The following TES variants were observed in gnomAD, a reference collection of about 807,000 sequenced individuals.
TES encodes testin.
TES carries 41 observed loss-of-function variants against 48.2 expected under a neutral mutation model. The ratio of observed to expected loss-of-function variants is 0.85; its 90% CI spans 0.66 to 1.10. TES has a LOEUF of 1.10. Among genes scored for constraint, TES ranks in the 50% least tolerant of loss-of-function variants. The pLI is 0.00. For missense variants in TES, 463 were observed against 515.1 expected (o/e 0.90, Z 0.98); for synonymous variants, 162 against 174.9 (o/e 0.93, Z 0.58).
At chr7:116,234,329 A>G (rs937668815) in intron 1 of TES, among the ~76,000 whole-genome samples, 1 of 152,154 alleles carries the variant, frequency 6.6e-6, no homozygotes, top group African/African-American at 2.4e-5. Context: ...TCTTTTCATG[A>G]TAAAAAGCAA....
At chr7:116,238,309 G>A (rs1211909369) in intron 2 of TES, 2 of 152,178 alleles carry the variant, frequency 1.3e-5, no homozygotes, top group African/African-American at 2.4e-5. Flanking sequence ...CCGGATCAAG[G>A]TGTATCACCA....
At chr7:116,224,070 C>G (rs755248931) in intron 1 of TES, among the ~76,000 whole-genome samples, 3 of 152,226 alleles carry the variant, frequency 2.0e-5, no homozygotes, top group African/African-American at 7.2e-5. Flanking sequence ...TTCTCTTGCT[C>G]TCTCTGGGAT....
intron 1 of TES, among the ~76,000 whole-genome samples, chr7:116,232,751 AC>A (rs1799717693): frequency 6.6e-6 from 1 of 152,226 alleles, no homozygotes. Context: ...TAGTGTTGAC[AC>A]TAAATATACA....
chr7:116,240,723 C>G lies in TES; in HGVS notation c.113+6104C>G, dbSNP rs3735622. Among the ~76,000 whole-genome samples the G allele has an allele frequency of 2.4e-3, 360 of 152,122 alleles. 7 individuals are homozygous for G. In the East Asian group the frequency reaches 0.064, roughly 27 times the overall value. ...TCCCCATAGAACTTTTCTTAACATC[C>G]TATGGAGAATCTGGAGAGAGAACTG... On this transcript the variant is annotated intron_variant, in intron 2 of 6. Transcript: ENST00000358204.
rs1563017314 is a variant in TES, at chr7:116,257,289, A to C, written c.1078-5A>C. The C allele has an allele frequency of 1.2e-6, 2 of 1,601,990 alleles. No individual in the cohort carries two copies. The highest frequency in any genetic ancestry group is 4.5e-5 in the East Asian group (2 of 44,350). On this transcript the variant is annotated splice_polypyrimidine_tract_variant and splice_region_variant and intron_variant, in intron 6 of 6. Coordinates refer to ENST00000358204, the MANE Select transcript of TES (RefSeq NM_015641.4). ...ACCCTCTTCTCTTGTATTATTTCTT[A>C]ATAGGTGTGTCAAGGATGCCACAAT...
At chr7:116,233,722 T>C (rs560238260) in intron 1 of TES, among the ~76,000 whole-genome samples, 45 of 152,344 alleles carry the variant, frequency 3.0e-4, no homozygotes, top group Middle Eastern at 6.8e-3. Context: ...GGGTAATTTA[T>C]AAATAATAGA....
intron 2 of TES, among the ~76,000 whole-genome samples, chr7:116,239,522 C>T (rs1486338927): frequency 1.3e-5 from 2 of 152,200 alleles, no homozygotes; most frequent in African/African-American, 4.8e-5. Flanking sequence ...TTATAGATGG[C>T]AGAGCTGAAT....
chr7:116,254,229 A>AT (rs1012070967), intron 6 of TES, among the ~76,000 whole-genome samples: 1 of 151,730 alleles, frequency 6.6e-6, no homozygotes, highest in African/African-American at 2.4e-5. Flanking sequence ...CAGGGCAGGG[A>AT]TTTTTTTATC....
At position 116,250,366 on chromosome 7, in the gene TES, A is replaced by T. The variant is rs770118920; in HGVS notation, c.572A>T (p.Asp191Val). The T allele has an allele frequency of 6.2e-7, 1 of 1,613,976 alleles. No individual in the cohort carries two copies. Among genetic ancestry groups the T allele is most frequent in the South Asian group, 1.1e-5 (1 of 91,020 alleles). ...KYKSEALGVG[D>V]VKLPCEMDAQ... ...AAGAGCGAAGCTCTGGGAGTAGGAGATGTCAAACTTCCCTGTGAGATGGAT... is the reference window on the plus strand; with the variant it reads ...AAGAGCGAAGCTCTGGGAGTAGGAGTTGTCAAACTTCCCTGTGAGATGGAT... The change falls in exon 4 of 7, where the codon GAT becomes GTT. Residue 191 changes from aspartate (D) to valine (V), a missense_variant. Asp to Val is a radical substitution (Grantham distance 152). Coordinates refer to ENST00000358204, the MANE Select transcript of TES (RefSeq NM_015641.4).
At chr7:116,214,051 G>A (rs1799467323) in intron 1 of TES, among the ~76,000 whole-genome samples, 1 of 152,096 alleles carries the variant, frequency 6.6e-6, no homozygotes, top group East Asian at 1.9e-4. Context: ...TGGAATTGCT[G>A]CAGGGCTTTT....
intron 1 of TES, among the ~76,000 whole-genome samples, 159 bp from the exon 2 acceptor site, chr7:116,234,375 C>T (rs963521331): frequency 2.6e-5 from 4 of 152,150 alleles, no homozygotes; most frequent in African/African-American, 9.7e-5. Flanking sequence ...GTACTTGGAA[C>T]TGCCATGTAC....
intron 6 of TES, among the ~76,000 whole-genome samples, chr7:116,255,869 C>T (rs1215243463): frequency 1.3e-5 from 2 of 152,090 alleles, no homozygotes; most frequent in Non-Finnish European, 2.9e-5. Context: ...ATAGTACACC[C>T]ATAAATATGT....
At chr7:116,231,081 A>G (rs922499644) in intron 1 of TES, among the ~76,000 whole-genome samples, 1 of 152,186 alleles carries the variant, frequency 6.6e-6, no homozygotes, top group Admixed American at 6.5e-5. Flanking sequence ...TTGACACGCT[A>G]GTCCTCTGCC....
intron 1 of TES, among the ~76,000 whole-genome samples, chr7:116,224,537 C>T (rs1799598401): frequency 6.6e-6 from 1 of 152,030 alleles, no homozygotes; most frequent in South Asian, 2.1e-4. Context: ...ATTTCTTGCT[C>T]ATTCTTTTAA....
chr7:116,252,535 T>C (rs761119871), intron 6 of TES, 59 bp downstream of exon 6: 4 of 1,612,326 alleles, frequency 2.5e-6, no homozygotes, highest in Admixed American at 3.3e-5. Flanking sequence ...GAGTTTATGC[T>C]TTTCTTAAAG....
intron 2 of TES, among the ~76,000 whole-genome samples, chr7:116,240,886 C>G (rs1177600889): frequency 6.6e-6 from 1 of 152,164 alleles, no homozygotes; most frequent in Non-Finnish European, 1.5e-5. Context: ...TATATATCAT[C>G]AGAAGTTACT....
intron 2 of TES, among the ~76,000 whole-genome samples, chr7:116,235,454 A>C (rs1482849903): frequency 1.3e-5 from 2 of 152,214 alleles, no homozygotes; most frequent in Admixed American, 6.5e-5. Context: ...TTTTTTAAGA[A>C]AAAAATTAAT....
chr7:116,218,868 A>T (rs992433221), intron 1 of TES, among the ~76,000 whole-genome samples: 8 of 152,160 alleles, frequency 5.3e-5, no homozygotes, highest in Non-Finnish European at 1.0e-4. Context: ...CACAATAAAA[A>T]TTTATTACTT....
At chr7:116,239,181 C>G (rs1799811821) in intron 2 of TES, 1 of 152,178 alleles carries the variant, frequency 6.6e-6, no homozygotes, top group Non-Finnish European at 1.5e-5. Context: ...CAATGCCTTC[C>G]ATCTTCAAAG....
Sources: allele counts gnomAD v4.1 joint callset (sites outside exome capture counted in the v4.1 genomes callset), GRCh38; gene constraint gnomAD v4.1.1; transcripts MANE v1.5; gene names NCBI Gene and HGNC (gene_info 2026-07-23, HGNC 2026-07-21).